SH3GL3: variants seen among roughly 807,000 people sequenced by gnomAD.
SH3GL3 encodes the protein SH3 domain containing GRB2 like 3, endophilin A3.
Under a neutral mutation model 47.7 loss-of-function variants are expected in SH3GL3, and 33 were observed. That is an observed-to-expected ratio of 0.69 (90% confidence interval 0.52 to 0.92). SH3GL3 has a LOEUF of 0.92. Ranked by LOEUF, SH3GL3 falls within the 40% of genes least tolerant of loss-of-function variation. The pLI, the probability that SH3GL3 is intolerant of heterozygous loss-of-function variation, is 0.00. For synonymous variants in SH3GL3, 155 were observed against 148.8 expected (o/e 1.04, Z -0.30); for missense variants, 363 against 417.8 (o/e 0.87, Z 1.14).
At chr15:83,623,659 T>C (rs1398358720), downstream of SH3GL3, among the ~76,000 whole-genome samples, 3 of 152,180 alleles carry the variant, frequency 2.0e-5, no homozygotes, top group Non-Finnish European at 4.4e-5. Context: ...GGTAAAGAAG[T>C]AGGGATATTA....
At chr15:83,585,649 A>G (rs1413568736) in intron 6 of SH3GL3, among the ~76,000 whole-genome samples, 1 of 152,196 alleles carries the variant, frequency 6.6e-6, no homozygotes, top group African/African-American at 2.4e-5. Flanking sequence ...AGAAATCCTT[A>G]GGATTTAGTA....
intron 1 of SH3GL3, among the ~76,000 whole-genome samples, chr15:83,457,069 T>C (rs1338963284): frequency 6.6e-6 from 1 of 152,234 alleles, no homozygotes; most frequent in African/African-American, 2.4e-5. Flanking sequence ...TGTATGCTTA[T>C]TTCATAGTAA....
At chr15:83,492,096 A>G (rs964452697) in intron 1 of SH3GL3, among the ~76,000 whole-genome samples, 21 of 152,112 alleles carry the variant, frequency 1.4e-4, no homozygotes, top group African/African-American at 5.1e-4. Flanking sequence ...CATCCTGGCC[A>G]ACATGGTGAA....
At chr15:83,580,355 G>C (rs1199649825) in intron 6 of SH3GL3, among the ~76,000 whole-genome samples, 1 of 152,192 alleles carries the variant, frequency 6.6e-6, no homozygotes, top group Admixed American at 6.5e-5. Flanking sequence ...GGATTGGACG[G>C]TGTTTCTACC....
At chr15:83,580,038 G>A (rs1161141196) in intron 6 of SH3GL3, among the ~76,000 whole-genome samples, 1 of 152,200 alleles carries the variant, frequency 6.6e-6, no homozygotes, top group Non-Finnish European at 1.5e-5. Context: ...ATGGTTGATG[G>A]GGCATACATT....
chr15:83,559,784 C>A (rs1433879361), intron 2 of SH3GL3, among the ~76,000 whole-genome samples: 1 of 152,106 alleles, frequency 6.6e-6, no homozygotes, highest in Non-Finnish European at 1.5e-5. Context: ...GCCTGTAGAA[C>A]CAGAGTGTGA....
chr15:83,450,784 G>T (rs1430516137), intron 1 of SH3GL3, among the ~76,000 whole-genome samples: 35 of 24,592 alleles, frequency 1.4e-3, no homozygotes, highest in South Asian at 1.9e-3. Flanking sequence ...TAAGGTTATA[G>T]ATTTTCTTTT....
At chr15:83,467,840 T>G (rs1305118186) in intron 1 of SH3GL3, among the ~76,000 whole-genome samples, 1 of 152,200 alleles carries the variant, frequency 6.6e-6, no homozygotes, top group Non-Finnish European at 1.5e-5. Context: ...TTTATTTTAT[T>G]TTTTTGAGAC....
intron 6 of SH3GL3, among the ~76,000 whole-genome samples, chr15:83,579,949 A>T (rs8043483): frequency 6.6e-6 from 1 of 152,020 alleles, no homozygotes; most frequent in Non-Finnish European, 1.5e-5. Flanking sequence ...TGGACCTGAC[A>T]TGCCAATGCC....
At chr15:83,494,940 G>A (rs1156585840) in intron 1 of SH3GL3, among the ~76,000 whole-genome samples, 1 of 152,174 alleles carries the variant, frequency 6.6e-6, no homozygotes, top group African/African-American at 2.4e-5. Flanking sequence ...TAGCGGAAGA[G>A]GGTGCTGTGG....
intron 1 of SH3GL3, among the ~76,000 whole-genome samples, chr15:83,481,304 C>A (rs2041346414): frequency 6.6e-6 from 1 of 151,078 alleles, no homozygotes; most frequent in Non-Finnish European, 1.5e-5. Context: ...AGAAATAATT[C>A]CTGTCACAGG....
intron 1 of SH3GL3, among the ~76,000 whole-genome samples, chr15:83,544,207 T>C (rs1436151493): frequency 6.6e-6 from 1 of 152,150 alleles, no homozygotes; most frequent in East Asian, 1.9e-4. Context: ...GTATGTTGTA[T>C]TTCCATTTTC....
At chr15:83,577,566 T>A (rs978063879) in intron 6 of SH3GL3, among the ~76,000 whole-genome samples, 3 of 152,098 alleles carry the variant, frequency 2.0e-5, no homozygotes, top group African/African-American at 7.2e-5. Flanking sequence ...ACCCTGATAA[T>A]TTTTTGTCAA....
chr15:83,531,748 G>A (rs1296705161), intron 1 of SH3GL3, among the ~76,000 whole-genome samples: 1 of 152,120 alleles, frequency 6.6e-6, no homozygotes, highest in Non-Finnish European at 1.5e-5. Flanking sequence ...CCTGGACTGA[G>A]GATATGTTCA....
the SH3GL3 span, among the ~76,000 whole-genome samples, chr15:83,631,769 C>A: frequency 6.6e-6 from 1 of 152,196 alleles, no homozygotes. Context: ...CTGTGATGGG[C>A]CTGTGATGGG....
At chr15:83,512,927 T>C (rs765815917) in intron 1 of SH3GL3, among the ~76,000 whole-genome samples, 1 of 152,254 alleles carries the variant, frequency 6.6e-6, no homozygotes, top group Non-Finnish European at 1.5e-5. Flanking sequence ...CTCTTTCTTT[T>C]TCCTTCTAAA....
chr15:83,527,380 T>C (rs1420457460), intron 1 of SH3GL3, among the ~76,000 whole-genome samples: 1 of 152,214 alleles, frequency 6.6e-6, no homozygotes, highest in African/African-American at 2.4e-5. Context: ...ATTTGCTTTA[T>C]ATATCTGGGT....
intron 1 of SH3GL3, among the ~76,000 whole-genome samples, chr15:83,526,810 TA>T (rs139212685): frequency 1.3e-5 from 2 of 151,918 alleles, no homozygotes; most frequent in African/African-American, 2.4e-5. Flanking sequence ...CCCCTGAACT[TA>T]AAAAAAACCA....
Position 83,617,962 on chromosome 15 carries a change from T to C in SH3GL3, c.839-120T>C, listed in dbSNP as rs1596362538. On this transcript the variant is annotated intron_variant, in intron 8 of 8. Coordinates refer to ENST00000427482, the MANE Select transcript of SH3GL3 (RefSeq NM_003027.5). The stretch of plus-strand genomic sequence containing the variant: ...CACCGTGAGCTGGGTGGAGCTGGCC[T>C]TGTGGGAAGGAAGCAAGGCCTGCTG... The C allele has an allele frequency of 4.3e-6, 3 of 694,192 alleles. No homozygotes were observed. The East Asian group carries it at 7.9e-5, about 18-fold the overall frequency. The allele number at this position is 694,192 out of a possible 1,614,324, so 43.0% of individuals were successfully genotyped here.
Sources: gnomAD v4.1 joint callset for allele counts (sites outside exome capture counted in the v4.1 genomes callset) on GRCh38, gnomAD v4.1.1 for gene constraint, MANE v1.5 for transcripts, NCBI Gene and HGNC (gene_info 2026-07-23, HGNC 2026-07-21) for gene names.